UBE4B: variants seen among roughly 807,000 people sequenced by gnomAD.
UBE4B encodes the protein ubiquitination factor E4B.
Under a neutral mutation model 148.1 loss-of-function variants are expected in UBE4B, and 27 were observed. The ratio of observed to expected loss-of-function variants is 0.18; its 90% CI spans 0.13 to 0.25. The LOEUF (loss-of-function observed/expected upper bound fraction) is 0.25, where lower values mean the gene tolerates loss of function less well. Ranked by LOEUF, UBE4B falls within the 10% of genes least tolerant of loss-of-function variation. The pLI, the probability that UBE4B is intolerant of heterozygous loss-of-function variation, is 1.00. For synonymous variants in UBE4B, 596 were observed against 619.3 expected (o/e 0.96, Z 0.56); for missense variants, 1,170 against 1,662.4 (o/e 0.70, Z 5.15).
chr1:10,088,355 T>C (rs1030845430), intron 2 of UBE4B, among the ~76,000 whole-genome samples: 1 of 152,190 alleles, frequency 6.6e-6, no homozygotes, highest in Non-Finnish European at 1.5e-5. Flanking sequence ...ACTTGAAATG[T>C]CATTTTATTT....
rs1438442963 is a variant in UBE4B, at chr1:10,033,453, G to T, written c.-218G>T. 3 of 413,648 alleles carry T rather than the reference G, an allele frequency of 7.3e-6. No homozygotes were observed. The highest frequency in any genetic ancestry group is 1.3e-5 in the Non-Finnish European group (3 of 236,454). The allele number at this position is 413,648 out of a possible 1,614,324, so 25.6% of individuals were successfully genotyped here. A position where few individuals can be genotyped will look rare whatever the true frequency, so the allele number is the denominator to read the frequency against. On this transcript the variant is annotated 5_prime_UTR_variant, in exon 1 of 28. Transcript: ENST00000343090. ...AAGGAGGCTGCTCAGGGAACAAGCG[G>T]CTGTAGTAGTCTGTGGGGCGACTGG...
chr1:10,165,914 G>A (rs911144748), intron 23 of UBE4B, among the ~76,000 whole-genome samples: 1 of 152,174 alleles, frequency 6.6e-6, no homozygotes, highest in African/African-American at 2.4e-5. Flanking sequence ...AGAGCTGGGA[G>A]CCTTTTTATT....
At chr1:10,091,666 T>A (rs777930202) in intron 2 of UBE4B, among the ~76,000 whole-genome samples, 1 of 151,974 alleles carries the variant, frequency 6.6e-6, no homozygotes, top group African/African-American at 2.4e-5. Context: ...AGTGCAGTGG[T>A]GCGATCTTGG....
At chr1:10,129,360 A>G in intron 11 of UBE4B, 32 bp from the exon 12 acceptor site, 1 of 1,587,694 alleles carries the variant, frequency 6.3e-7, no homozygotes, top group Non-Finnish European at 8.6e-7. Flanking sequence ...TTAAGATGAA[A>G]TGCATTTAAA....
chr1:10,055,572 C>G (rs1304603083), intron 1 of UBE4B, among the ~76,000 whole-genome samples: 1 of 152,120 alleles, frequency 6.6e-6, no homozygotes, highest in Non-Finnish European at 1.5e-5. Context: ...CCACCACACC[C>G]AGCCAACATG....
intron 23 of UBE4B, among the ~76,000 whole-genome samples, chr1:10,167,432 C>T (rs1222547550): frequency 1.5e-5 from 2 of 130,594 alleles, no homozygotes; most frequent in Non-Finnish European, 3.1e-5. Flanking sequence ...AGCGAAACTC[C>T]GTCTCAAAAA....
chr1:10,034,487 A>AAC (rs1553132761), intron 1 of UBE4B, among the ~76,000 whole-genome samples: 2 of 151,916 alleles, frequency 1.3e-5, no homozygotes, highest in East Asian at 1.9e-4. Flanking sequence ...GTAAAAAAAA[A>AAC]AACAACCAAA....
intron 2 of UBE4B, among the ~76,000 whole-genome samples, chr1:10,092,588 G>T (rs1644865992): frequency 1.3e-5 from 2 of 151,934 alleles, no homozygotes; most frequent in Admixed American, 6.6e-5. Context: ...AACACTTTGG[G>T]AGACTGAGGC....
rs777007475 is a variant in UBE4B at position 10,130,769 on chromosome 1, C to T, written c.1867C>T (p.Arg623Cys). 48 of 1,614,042 alleles carry T rather than the reference C, an allele frequency of 3.0e-5. No homozygotes were observed. The highest frequency in any genetic ancestry group is 3.8e-5 in the Non-Finnish European group (45 of 1,180,040). ...GCCTGCCATTACCCTGGAAAACACT[C>T]GTGTGGTTAGCCAATCATTGCAGCA... ...SGPAITLENT[R>C]VVSQSLQHYL... Residue 623 changes from arginine (R) to cysteine (C), a missense_variant, in exon 14 of 28, where the codon CGT becomes TGT. Transcript: ENST00000343090.
At chr1:10,175,359 TA>T (rs564215414) in intron 25 of UBE4B, among the ~76,000 whole-genome samples, 32 of 150,712 alleles carry the variant, frequency 2.1e-4, no homozygotes, top group African/African-American at 6.1e-4. Context: ...ACTTAGAAAA[TA>T]AAAAAAAATA....
At chr1:10,043,610 A>G (rs1249394858) in intron 1 of UBE4B, among the ~76,000 whole-genome samples, 1 of 151,216 alleles carries the variant, frequency 6.6e-6, no homozygotes, top group African/African-American at 2.4e-5. Context: ...TTGTATTTTT[A>G]GTAGAGACGG....
chr1:10,060,296 C>G (rs561235244), intron 1 of UBE4B, among the ~76,000 whole-genome samples: 6 of 152,284 alleles, frequency 3.9e-5, no homozygotes, highest in Non-Finnish European at 2.9e-5. Flanking sequence ...TGGATACTTA[C>G]GGTATGGCCT....
Position 10,137,801 on chromosome 1 carries a change from T to C in UBE4B, c.2363+596T>C, listed in dbSNP as rs922489771. Among the ~76,000 whole-genome samples, 3 of 152,140 alleles carry C rather than the reference T, an allele frequency of 2.0e-5. No individual in the cohort carries two copies. The East Asian group carries it at 5.8e-4, about 29-fold the overall frequency. Reference sequence around the variant, plus strand: ...GAAGCAAATATTTTTGAGCAGGTTATCTGGAATAATAATGATGCCACTTCT... The same window carrying C: ...GAAGCAAATATTTTTGAGCAGGTTACCTGGAATAATAATGATGCCACTTCT... On this transcript the variant is annotated intron_variant, in intron 17 of 27. Coordinates refer to ENST00000343090, the MANE Select transcript of UBE4B (RefSeq NM_001105562.3).
At chr1:10,035,144 G>A (rs976206321) in intron 1 of UBE4B, among the ~76,000 whole-genome samples, 4 of 151,252 alleles carry the variant, frequency 2.6e-5, no homozygotes, top group Non-Finnish European at 4.4e-5. Context: ...GACTACAGGC[G>A]CCCGCTACCA....
chr1:10,105,424 C>T (rs1452700868), intron 5 of UBE4B, 92 bp from the exon 6 acceptor site: 7 of 1,078,260 alleles, frequency 6.5e-6, no homozygotes, highest in Admixed American at 3.6e-5. Context: ...GATACTGCAT[C>T]GAACCATTTG....
intron 5 of UBE4B, 165 bp downstream of exon 5, chr1:10,103,257 C>T: frequency 1.7e-6 from 1 of 573,928 alleles, no homozygotes; most frequent in Non-Finnish European, 2.9e-6. Context: ...CCACTTTCTT[C>T]CCTTTCCACT....
At chr1:10,060,262 C>T (rs868466266) in intron 1 of UBE4B, among the ~76,000 whole-genome samples, 10 of 152,176 alleles carry the variant, frequency 6.6e-5, no homozygotes, top group South Asian at 2.1e-4. Context: ...CTATTCCACA[C>T]GTAGGCTCTA....
intron 10 of UBE4B, 40 bp from the exon 11 acceptor site, chr1:10,126,753 CT>C (rs760026709): frequency 3.9e-6 from 6 of 1,528,658 alleles, no homozygotes; most frequent in Non-Finnish European, 5.4e-6. Flanking sequence ...CTCTTAGATT[CT>C]CTTAAACTTA....
At chr1:10,037,265 G>A (rs1643576621) in intron 1 of UBE4B, among the ~76,000 whole-genome samples, 1 of 152,208 alleles carries the variant, frequency 6.6e-6, no homozygotes, top group South Asian at 2.1e-4. Flanking sequence ...GACCTCAGGT[G>A]ATCTGCCTGC....
Sources: allele counts gnomAD v4.1 joint callset (sites outside exome capture counted in the v4.1 genomes callset), GRCh38; gene constraint gnomAD v4.1.1; transcripts MANE v1.5; gene names NCBI Gene and HGNC (gene_info 2026-07-23, HGNC 2026-07-21).